The following ADAMTS3 variants were observed in gnomAD, a reference collection of about 807,000 sequenced individuals.
The protein encoded by ADAMTS3 is A disintegrin and metalloproteinase with thrombospondin motifs 3.
A neutral mutation model predicts 129.0 loss-of-function variants in ADAMTS3; 73 were observed. The ratio of observed to expected loss-of-function variants is 0.57; its 90% confidence interval spans 0.47 to 0.69. The LOEUF (loss-of-function observed/expected upper bound fraction) is 0.69, where lower values mean the gene tolerates loss of function less well. Among genes scored for constraint, ADAMTS3 ranks in the 30% least tolerant of loss-of-function variants. ADAMTS3 has a pLI of 0.00. For missense variants in ADAMTS3, 1,457 were observed against 1,514.5 expected, an observed-to-expected ratio of 0.96 and a Z score of 0.63; for synonymous variants, 477 against 510.8, an observed-to-expected ratio of 0.93 and a Z score of 0.89.
At chr4:72,360,387 A>C (rs1219973183) in intron 4 of ADAMTS3, among the ~76,000 whole-genome samples, 3 of 151,948 alleles carry the variant, frequency 2.0e-5, no homozygotes, top group African/African-American at 7.2e-5. Context: ...CCAAAGGTCC[A>C]AAAAAAATTT....
chr4:72,387,299 G>C (rs1412841333), intron 4 of ADAMTS3, among the ~76,000 whole-genome samples: 2 of 152,128 alleles, frequency 1.3e-5, no homozygotes, highest in Non-Finnish European at 2.9e-5. Flanking sequence ...TGAAACAGAT[G>C]TCCACAGAGA....
chr4:72,356,276 T>TA (rs557337396), intron 4 of ADAMTS3, among the ~76,000 whole-genome samples: 16 of 150,858 alleles, frequency 1.1e-4, no homozygotes, highest in Admixed American at 2.6e-4. Flanking sequence ...AAGTGATAAT[T>TA]AAAAAAAAAC....
chr4:72,300,584 C>CA (rs1238736607), intron 17 of ADAMTS3, among the ~76,000 whole-genome samples: 1 of 152,064 alleles, frequency 6.6e-6, no homozygotes, highest in Non-Finnish European at 1.5e-5. Flanking sequence ...AATTTTGACA[C>CA]AATTGAAAGG....
At chr4:72,476,475 T>TA (rs1290927459) in intron 3 of ADAMTS3, among the ~76,000 whole-genome samples, 2 of 152,014 alleles carry the variant, frequency 1.3e-5, no homozygotes, top group African/African-American at 2.4e-5. Flanking sequence ...ATGTACAACT[T>TA]AAAAAATCCC....
chr4:72,373,096 T>C (rs186582555), intron 4 of ADAMTS3, among the ~76,000 whole-genome samples: 26 of 152,306 alleles, frequency 1.7e-4, no homozygotes, highest in Admixed American at 1.3e-3. Context: ...ACTAGAAAGG[T>C]AATTTTAAAA....
rs761264996 is a variant in ADAMTS3, at chr4:72,290,922, G to A, written c.2864C>T (p.Pro955Leu). ...TCTGTTACAGGGCCGGCGGCTCTCG[G>A]GACGGTCACCCATGCAGTATTTGCT... ...VHSKYCMGDRPESRRPCNRVP... is the reference protein window; with the variant it reads ...VHSKYCMGDRLESRRPCNRVP... Residue 955 changes from proline to leucine, a missense_variant, in exon 20 of 22, where the codon CCC becomes CTC. Transcript: ENST00000286657. 3 of 1,613,882 alleles carry A rather than the reference G, an allele frequency of 1.9e-6. No individual in the cohort carries two copies. Among genetic ancestry groups the A allele is most frequent in the African/African-American group, 1.3e-5 (1 of 74,898 alleles).
intron 4 of ADAMTS3, among the ~76,000 whole-genome samples, chr4:72,384,898 G>C (rs944974728): frequency 1.3e-5 from 2 of 152,162 alleles, no homozygotes; most frequent in Admixed American, 6.5e-5. Flanking sequence ...GCCGGGTGTG[G>C]TGGCTCACGC....
chr4:72,530,624 ATT>A (rs1720997837), intron 3 of ADAMTS3, among the ~76,000 whole-genome samples: 1 of 86,058 alleles, frequency 1.2e-5, no homozygotes, highest in Non-Finnish European at 2.0e-5. Flanking sequence ...TATAATATAT[ATT>A]ATTATATAAT....
chr4:72,375,653 G>T lies in ADAMTS3; in HGVS notation c.662-35960C>A, dbSNP rs1257274267. 2.0e-5 allele frequency among the ~76,000 whole-genome samples: 3 copies of T among 152,104 alleles called. No homozygotes were observed. The South Asian group carries it at 6.2e-4, about 32-fold the overall frequency. On this transcript the variant is annotated intron_variant, in intron 4 of 21. Transcript: ENST00000286657. ...GTCATGCTAGGCAGGAATTTGCATAGCAGGATAAAGATCTGTGTACTTAAA... is the reference window on the plus strand; with the variant it reads ...GTCATGCTAGGCAGGAATTTGCATATCAGGATAAAGATCTGTGTACTTAAA...
intron 2 of ADAMTS3, among the ~76,000 whole-genome samples, chr4:72,563,526 A>G (rs1455302924): frequency 1.3e-5 from 2 of 152,198 alleles, no homozygotes. Flanking sequence ...ATTAGTTGGC[A>G]TTCCAAAACT....
chr4:72,529,466 C>A (rs1304991777), intron 3 of ADAMTS3, among the ~76,000 whole-genome samples: 1 of 151,112 alleles, frequency 6.6e-6, no homozygotes, highest in Non-Finnish European at 1.5e-5. Context: ...CAGTAATTCT[C>A]AACCTAGTTA....
chr4:72,443,894 G>A (rs954951663), intron 3 of ADAMTS3, among the ~76,000 whole-genome samples: 1 of 151,672 alleles, frequency 6.6e-6, no homozygotes, highest in Non-Finnish European at 1.5e-5. Flanking sequence ...AGACTAATGG[G>A]TTGGGTTGCA....
At chr4:72,480,072 T>C (rs1427859858) in intron 3 of ADAMTS3, among the ~76,000 whole-genome samples, 3 of 152,190 alleles carry the variant, frequency 2.0e-5, no homozygotes, top group African/African-American at 4.8e-5. Flanking sequence ...TGTGGAGAAA[T>C]AGGAACACTT....
intron 11 of ADAMTS3, among the ~76,000 whole-genome samples, chr4:72,314,076 T>C (rs528698742): frequency 6.6e-6 from 1 of 152,230 alleles, no homozygotes; most frequent in South Asian, 2.1e-4. Flanking sequence ...AATGATACAT[T>C]CACCAGTAAG....
At chr4:72,455,248 G>T (rs991480400) in intron 3 of ADAMTS3, among the ~76,000 whole-genome samples, 3 of 151,634 alleles carry the variant, frequency 2.0e-5, no homozygotes, top group Non-Finnish European at 4.4e-5. Flanking sequence ...AAATATGTTG[G>T]ATAAAGAAAA....
At chr4:72,441,992 C>G (rs552709291) in intron 3 of ADAMTS3, 11 of 151,918 alleles carry the variant, frequency 7.2e-5, no homozygotes, top group African/African-American at 2.6e-4. Flanking sequence ...TCTCTGGGTT[C>G]TATGGGTCAG....
intron 3 of ADAMTS3, among the ~76,000 whole-genome samples, chr4:72,540,540 T>C (rs914030697): frequency 1.3e-5 from 2 of 152,166 alleles, no homozygotes; most frequent in Admixed American, 6.5e-5. Flanking sequence ...CCCAAGACTA[T>C]GGGGAAAATG....
At chr4:72,353,857 A>G (rs1012769893) in intron 4 of ADAMTS3, among the ~76,000 whole-genome samples, 3 of 151,994 alleles carry the variant, frequency 2.0e-5, no homozygotes, top group African/African-American at 7.2e-5. Context: ...AGTGACCTGC[A>G]GGATCCCTCC....
chr4:72,298,803 GATTAAAATTTTTAA>G (rs1041598442), intron 17 of ADAMTS3, among the ~76,000 whole-genome samples: 157 of 151,358 alleles, frequency 1.0e-3, no homozygotes, highest in African/African-American at 2.5e-3. Context: ...AAAATTAAAG[GATTAAAATTTTTAA>G]ATTAAAATTT....
Sources: allele counts gnomAD v4.1 joint callset (sites outside exome capture counted in the v4.1 genomes callset), GRCh38; gene constraint gnomAD v4.1.1; transcripts MANE v1.5; gene names NCBI Gene and HGNC (gene_info 2026-07-23, HGNC 2026-07-21).